The following TECRL variants were observed in gnomAD, a reference collection of about 807,000 sequenced individuals.
The protein encoded by TECRL is trans-2,3-enoyl-CoA reductase-like.
In TECRL, 63 loss-of-function variants were observed where a neutral mutation model predicts 52.8. That is an observed-to-expected ratio of 1.19 (90% CI 0.97 to 1.47). The LOEUF (loss-of-function observed/expected upper bound fraction) is 1.47, where lower values mean the gene tolerates loss of function less well. Ranked by LOEUF, TECRL falls within the 40% of genes most tolerant of loss-of-function variation. The pLI is 0.00. For missense variants in TECRL, 482 were observed against 429.6 expected (o/e 1.12, Z -1.08); for synonymous variants, 164 against 141.9 (o/e 1.16, Z -1.10).
chr4:64,386,510 A>G (rs550998449), intron 1 of TECRL, among the ~76,000 whole-genome samples: 3 of 152,210 alleles, frequency 2.0e-5, no homozygotes, highest in Non-Finnish European at 4.4e-5. Context: ...GTATGCATAT[A>G]TATATGTCAG....
intron 1 of TECRL, among the ~76,000 whole-genome samples, chr4:64,392,282 A>G (rs141369516): frequency 2.7e-3 from 417 of 152,016 alleles, no homozygotes; most frequent in African/African-American, 9.3e-3. Context: ...AAATCCTACC[A>G]TGTTCCCGTA....
At chr4:64,304,993 T>C (rs1322912605) in intron 7 of TECRL, 173 bp downstream of exon 7, 1 of 430,876 alleles carries the variant, frequency 2.3e-6, no homozygotes, top group Non-Finnish European at 4.2e-6. Context: ...AATAAAAATA[T>C]ATGAGTCAAA....
chr4:64,406,306 G>A (rs894229321), intron 1 of TECRL, among the ~76,000 whole-genome samples: 1 of 151,534 alleles, frequency 6.6e-6, no homozygotes, highest in African/African-American at 2.4e-5. Flanking sequence ...TTGAGTAATA[G>A]ACATAAAACA....
chr4:64,336,080 A>G (rs376017428), intron 2 of TECRL, among the ~76,000 whole-genome samples: 1 of 152,280 alleles, frequency 6.6e-6, no homozygotes. Context: ...TAGTTTCGGA[A>G]GGAATGGTAC....
intron 1 of TECRL, among the ~76,000 whole-genome samples, chr4:64,400,645 A>C (rs1484614902): frequency 6.6e-6 from 1 of 152,100 alleles, no homozygotes; most frequent in East Asian, 1.9e-4. Context: ...GTTTAGTACC[A>C]TTCTCTTGGC....
intron 1 of TECRL, among the ~76,000 whole-genome samples, chr4:64,398,392 A>G (rs1275633451): frequency 2.0e-5 from 3 of 152,196 alleles, no homozygotes; most frequent in African/African-American, 7.2e-5. Context: ...GAATGATTTA[A>G]TATCATTCTC....
chr4:64,300,487 C>T (rs989316828), intron 7 of TECRL, among the ~76,000 whole-genome samples: 4 of 150,046 alleles, frequency 2.7e-5, no homozygotes, highest in Non-Finnish European at 6.0e-5. Flanking sequence ...GTATTACTTG[C>T]CTGACCTTAA....
At chr4:64,288,685 G>A (rs544824443) in intron 9 of TECRL, among the ~76,000 whole-genome samples, 2 of 152,234 alleles carry the variant, frequency 1.3e-5, no homozygotes, top group Non-Finnish European at 2.9e-5. Context: ...CCAAAAAAAG[G>A]TCATGGTCAC....
intron 2 of TECRL, among the ~76,000 whole-genome samples, chr4:64,345,907 CAAAAAAAA>C (rs777171822): frequency 1.2e-3 from 27 of 23,348 alleles, no homozygotes; most frequent in South Asian, 9.2e-3. Flanking sequence ...GCCTCAACAG[CAAAAAAAA>C]AAAAAAAAAA....
At chr4:64,355,521 G>T (rs531840149) in intron 2 of TECRL, among the ~76,000 whole-genome samples, 4 of 151,958 alleles carry the variant, frequency 2.6e-5, no homozygotes, top group Admixed American at 6.6e-5. Context: ...AAAACAGGCC[G>T]GGCACCGTGG....
At chr4:64,287,505 T>A (rs762870436) in intron 9 of TECRL, among the ~76,000 whole-genome samples, 9 of 152,144 alleles carry the variant, frequency 5.9e-5, no homozygotes, top group Non-Finnish European at 1.0e-4. Flanking sequence ...ACAATAAAAT[T>A]ATATATTATA....
chr4:64,351,344 C>T (rs536085688), intron 2 of TECRL, among the ~76,000 whole-genome samples: 79 of 151,896 alleles, frequency 5.2e-4, no homozygotes, highest in African/African-American at 1.9e-3. Context: ...TGTGCAGTGG[C>T]ATGAGGATGG....
chr4:64,378,457 T>C (rs1722551715), intron 1 of TECRL, among the ~76,000 whole-genome samples: 1 of 151,948 alleles, frequency 6.6e-6, no homozygotes, highest in South Asian at 2.1e-4. Context: ...GTCCCAGCTA[T>C]GCTGGAACCT....
At chr4:64,369,779 A>G (rs866678701) in intron 2 of TECRL, among the ~76,000 whole-genome samples, 19 of 152,154 alleles carry the variant, frequency 1.2e-4, no homozygotes, top group African/African-American at 4.1e-4. Context: ...GTGCTACAAT[A>G]GAAATATTTT....
intron 1 of TECRL, among the ~76,000 whole-genome samples, chr4:64,394,150 T>C (rs1181209769): frequency 6.6e-6 from 1 of 152,162 alleles, no homozygotes; most frequent in African/African-American, 2.4e-5. Context: ...AACTATTTTC[T>C]TATGTGAATT....
chr4:64,281,629 A>T, intron 9 of TECRL, 70 bp from the exon 10 acceptor site: 1 of 753,576 alleles, frequency 1.3e-6, no homozygotes, highest in Admixed American at 2.7e-5. Context: ...TTATTATATA[A>T]TACTAAGTTC....
intron 1 of TECRL, among the ~76,000 whole-genome samples, chr4:64,389,513 T>C (rs916737189): frequency 3.3e-5 from 5 of 151,978 alleles, no homozygotes; most frequent in African/African-American, 9.7e-5. Flanking sequence ...GTTAAATTCA[T>C]ATGCTAATAT....
chr4:64,284,165 A>G (rs756338529), intron 9 of TECRL, among the ~76,000 whole-genome samples: 38 of 152,084 alleles, frequency 2.5e-4, no homozygotes, highest in Non-Finnish European at 3.4e-4. Context: ...CCTGGAATAT[A>G]GGAGTAAATA....
intron 1 of TECRL, among the ~76,000 whole-genome samples, chr4:64,403,472 A>G (rs1035215364): frequency 7.4e-5 from 4 of 53,778 alleles, no homozygotes; most frequent in Non-Finnish European, 2.0e-4. Flanking sequence ...TCCCTCCCTG[A>G]GCGCACACAC....
Sources: allele counts gnomAD v4.1 joint callset (sites outside exome capture counted in the v4.1 genomes callset), GRCh38; gene constraint gnomAD v4.1.1; transcripts MANE v1.5; gene names NCBI Gene and HGNC (gene_info 2026-07-23, HGNC 2026-07-21).